PIEZO1: variants seen among roughly 807,000 people sequenced by gnomAD.
PIEZO1 encodes the protein piezo-type mechanosensitive ion channel component 1.
In PIEZO1, 296 loss-of-function variants were observed where a neutral mutation model predicts 297.2. That is an observed-to-expected ratio of 1.00 (90% CI 0.91 to 1.10). The LOEUF (loss-of-function observed/expected upper bound fraction) is 1.10. Among genes scored for constraint, PIEZO1 ranks in the 50% least tolerant of loss-of-function variants. The pLI, the probability that PIEZO1 is intolerant of heterozygous loss-of-function variation, is 0.00. For missense variants in PIEZO1, 5,018 were observed against 3,455.5 expected, an observed-to-expected ratio of 1.45 and a Z score of -11.34; for synonymous variants, 2,427 against 1,507.5, an observed-to-expected ratio of 1.61 and a Z score of -14.13.
chr16:88,744,941 G>A (rs77990404), intron 2 of PIEZO1: 1,990 of 152,150 alleles, frequency 0.013, 49 homozygotes, highest in African/African-American at 0.046. Context: ...GGCGGGGAGC[G>A]GGGAGGTGCA....
chr16:88,760,548 C>T (rs1468596084), intron 1 of PIEZO1, among the ~76,000 whole-genome samples: 2 of 152,232 alleles, frequency 1.3e-5, no homozygotes, highest in South Asian at 2.1e-4. Context: ...ACCCAGGGAG[C>T]TCAAGACAGG....
intron 2 of PIEZO1, chr16:88,742,839 T>C (rs1331735590): frequency 2.9e-6 from 1 of 348,830 alleles, no homozygotes; most frequent in South Asian, 2.1e-5. Flanking sequence ...GACCAGAGCA[T>C]GCGGAGCGCC....
rs1438693174 is a variant in PIEZO1, at chr16:88,717,216, AG to A, written c.6472-6del. 11 of 1,547,328 alleles carry A rather than the reference AG, an allele frequency of 7.1e-6. No homozygotes were observed. The highest frequency in any genetic ancestry group is 9.6e-6 in the Non-Finnish European group (11 of 1,146,836). ...CCCTTTGGGCTGCGGGTATTTCTGGAGGGGAACGACACAGGTCATACGCTCA... is the reference window on the plus strand; with the variant it reads ...CCCTTTGGGCTGCGGGTATTTCTGGAGGGAACGACACAGGTCATACGCTCA... On this transcript the variant is annotated splice_polypyrimidine_tract_variant and splice_region_variant and intron_variant, in intron 44 of 50. Transcript: ENST00000301015.
intron 29 of PIEZO1, 58 bp downstream of exon 29, chr16:88,725,358 A>G (rs1277601651): frequency 9.4e-7 from 1 of 1,067,196 alleles, no homozygotes; most frequent in Non-Finnish European, 1.3e-6. Flanking sequence ...AGCACACGCC[A>G]GCAGGCACAG....
At chr16:88,776,459 G>A (rs967809606) in intron 1 of PIEZO1, among the ~76,000 whole-genome samples, 3 of 151,824 alleles carry the variant, frequency 2.0e-5, no homozygotes, top group Non-Finnish European at 4.4e-5. Context: ...GGGATGAGAC[G>A]CAGGGCCAGG....
At chr16:88,767,809 G>A (rs1391971719) in intron 1 of PIEZO1, among the ~76,000 whole-genome samples, 9 of 150,678 alleles carry the variant, frequency 6.0e-5, no homozygotes, top group Non-Finnish European at 8.9e-5. Context: ...CTACAGCCCC[G>A]AGTCAGGACT....
At position 88,738,040 on chromosome 16, in the gene PIEZO1, T is replaced by C. The variant is rs868082098; in HGVS notation, c.914A>G (p.Asn305Ser). 2.0e-5 allele frequency: 31 copies of C among 1,535,672 alleles called. No individual in the cohort carries two copies. In the Middle Eastern group the frequency reaches 5.0e-4, roughly 25 times the overall value. Reference protein sequence around the residue: ...NCSSPHALVLNTGLDWPVYAS... With the variant: ...NCSSPHALVLSTGLDWPVYAS... ...ATACACAGGCCAGTCCAGGCCGGTG[T>C]TGAGGACCAGCGCGTGGGGGCTGGA... Residue 305 changes from asparagine (N) to serine (S), a missense_variant, in exon 8 of 51, where the codon AAC becomes AGC. Physicochemically the swap from Asn to Ser is conservative, Grantham distance 46. Transcript: ENST00000301015.
chr16:88,721,826 C>G lies in PIEZO1; in HGVS notation c.5196G>C (p.Thr1732=), dbSNP rs367980850. The G allele has an allele frequency of 3.2e-6, 5 of 1,547,248 alleles. No homozygotes were observed. The East Asian group carries it at 7.3e-5, about 23-fold the overall frequency. The change falls in exon 37 of 51, where the codon ACG becomes ACC. Residue 1732 remains threonine (T), a synonymous_variant. Coordinates refer to ENST00000301015, the MANE Select transcript of PIEZO1 (RefSeq NM_001142864.4). ...GGCCCACCTCGGTGAAGACGATGGC[C>G]GTCATCCAGAAGCGCTTGCTGGGCC... ...IPRPSKRFWM[T]AIVFTEIAVV...
At position 88,720,085 on chromosome 16, in the gene PIEZO1, G is replaced by A; in HGVS notation, c.6148C>T (p.Pro2050Ser). 1.3e-6 allele frequency: 2 copies of A among 1,550,330 alleles called. No homozygotes were observed. The highest frequency in any genetic ancestry group is 8.7e-7 in the Non-Finnish European group (1 of 1,146,962). The stretch of plus-strand genomic sequence containing the variant: ...TGGGCCCACCTCTCAGTGACGGCGG[G>A]CAGGATGAAGAACATCCATAGGTGG... Reference protein sequence around the residue: ...AIHLWMFFILPAVTERMFNQN... With the variant: ...AIHLWMFFILSAVTERMFNQN... The change falls in exon 42 of 51, where the codon CCC becomes TCC. Residue 2050 changes from proline (P) to serine (S), a missense_variant. Coordinates refer to ENST00000301015, the MANE Select transcript of PIEZO1 (RefSeq NM_001142864.4).
chr16:88,725,348 A>G, intron 29 of PIEZO1, 68 bp downstream of exon 29: 1 of 979,074 alleles, frequency 1.0e-6, no homozygotes, highest in Admixed American at 3.0e-5. Flanking sequence ...GCACAGACGC[A>G]GCACACGCCA....
intron 1 of PIEZO1, among the ~76,000 whole-genome samples, chr16:88,779,856 T>C (rs1051322176): frequency 3.9e-5 from 6 of 152,198 alleles, no homozygotes; most frequent in Non-Finnish European, 7.3e-5. Context: ...AAAGCCTGTG[T>C]TGCGGGTCTC....
At chr16:88,749,165 G>A (rs1906245550) in intron 2 of PIEZO1, among the ~76,000 whole-genome samples, 1 of 152,084 alleles carries the variant, frequency 6.6e-6, no homozygotes, top group Non-Finnish European at 1.5e-5. Context: ...GCGTGAACCT[G>A]GGAGGCGAAG....
At chr16:88,772,197 T>C (rs968264593) in intron 1 of PIEZO1, among the ~76,000 whole-genome samples, 11 of 152,206 alleles carry the variant, frequency 7.2e-5, no homozygotes, top group South Asian at 2.1e-4. Context: ...CCTGGTGCCA[T>C]TGAGACCCCA....
intron 1 of PIEZO1, among the ~76,000 whole-genome samples, chr16:88,764,443 G>C (rs901234744): frequency 6.6e-6 from 1 of 152,158 alleles, no homozygotes; most frequent in East Asian, 1.9e-4. Flanking sequence ...TCTCCAGGCA[G>C]AGATCACGCG....
intron 22 of PIEZO1, among the ~76,000 whole-genome samples, chr16:88,729,867 A>G (rs1904683557): frequency 6.6e-6 from 1 of 151,612 alleles, no homozygotes; most frequent in South Asian, 2.1e-4. Flanking sequence ...AACCCAGGAC[A>G]TGCTGAACCC....
intron 10 of PIEZO1, 41 bp from the exon 11 acceptor site, chr16:88,736,780 GC>G: frequency 7.8e-7 from 1 of 1,289,650 alleles, no homozygotes; most frequent in South Asian, 1.3e-5. Context: ...AGGTTGATCT[GC>G]AGGCCTCCCC....
chr16:88,738,289 G>A lies in PIEZO1; in HGVS notation c.786C>T (p.Cys262=), dbSNP rs1046139839. 5 of 1,535,922 alleles carry A rather than the reference G, an allele frequency of 3.3e-6. No homozygotes were observed. Among genetic ancestry groups the A allele is most frequent in the Admixed American group, 2.0e-5 (1 of 51,008 alleles). Residue 262 remains cysteine, a synonymous_variant, in exon 7 of 51, where the codon TGC becomes TGT. Transcript: ENST00000301015. ...CCAAGGGCATCTGGTAGCAGTAGAG[G>A]CAGATGAGATGGCCGGCGCCGAAGC... The part of the protein sequence containing the change: ...VGCFGAGHLI[C]LYCYQMPLAQ...
intron 1 of PIEZO1, among the ~76,000 whole-genome samples, chr16:88,750,949 G>C (rs1290175513): frequency 6.6e-6 from 1 of 151,856 alleles, no homozygotes; most frequent in Non-Finnish European, 1.5e-5. Context: ...GTGTCCAAGC[G>C]AGACCCCTGG....
chr16:88,773,464 G>A (rs535673189), intron 1 of PIEZO1, among the ~76,000 whole-genome samples: 39 of 152,374 alleles, frequency 2.6e-4, no homozygotes, highest in African/African-American at 8.7e-4. Context: ...CTGCCTCCAC[G>A]TGGCCCTGCA....
Sources: gnomAD v4.1 joint callset for allele counts (sites outside exome capture counted in the v4.1 genomes callset) on GRCh38, gnomAD v4.1.1 for gene constraint, MANE v1.5 for transcripts, NCBI Gene and HGNC (gene_info 2026-07-23, HGNC 2026-07-21) for gene names.